The following FKBP8 variants were observed in gnomAD, a reference collection of about 807,000 sequenced individuals.
The protein encoded by FKBP8 is FKBP prolyl isomerase 8.
A neutral mutation model predicts 41.7 loss-of-function variants in FKBP8; 5 were observed. The observed-to-expected ratio is 0.12, with a 90% CI of 0.06 to 0.25. The LOEUF (loss-of-function observed/expected upper bound fraction) is 0.25. Among genes scored for constraint, FKBP8 ranks in the 10% least tolerant of loss-of-function variants. FKBP8 has a pLI of 1.00. For synonymous variants in FKBP8, 279 were observed against 254.5 expected, an observed-to-expected ratio of 1.10 and a Z score of -0.92; for missense variants, 397 against 563.0, an observed-to-expected ratio of 0.71 and a Z score of 2.98.
rs1437082517 is a variant in FKBP8, at chr19:18,537,845, G to A, written c.773-72C>T. 28 of 1,481,810 alleles carry A rather than the reference G, an allele frequency of 1.9e-5. No individual in the cohort carries two copies. Among genetic ancestry groups the A allele is most frequent in the Admixed American group, 1.2e-4 (6 of 49,752 alleles). The allele number at this position is 1,481,810 out of a possible 1,614,324, so 91.8% of individuals were successfully genotyped here. ...GACACCCCGGCACCCACCCCTCTGC[G>A]GAGGCTGCCTCTCTGGCCTCAGTTT... On this transcript the variant is annotated intron_variant, in intron 5 of 8. Transcript: ENST00000608443. The surrounding 1 kb of genome is among the most constrained non-coding windows in gnomAD (Gnocchi z 4.4).
At chr19:18,539,746 C>G in intron 2 of FKBP8, 26 bp from the exon 3 acceptor site, 2 of 1,601,330 alleles carry the variant, frequency 1.2e-6, no homozygotes, top group Non-Finnish European at 1.7e-6. Flanking sequence ...GACATGCAGC[C>G]TGTCACCTGG....
rs894942595 is a variant in FKBP8, at chr19:18,537,343, GAAACAAAC to G, written c.945+250_945+257del. 1.3e-4 allele frequency among the ~76,000 whole-genome samples: 20 copies of G among 151,946 alleles called. No homozygotes were observed. The highest frequency in any genetic ancestry group is 6.6e-4 in the Admixed American group (10 of 15,246). ...GTGACAGAGTGAGACTCTGTCTCAA[GAAACAAAC>G]AAACAAACAAACAAAAAACACTGGG... On this transcript the variant is annotated intron_variant, in intron 6 of 8. Coordinates refer to ENST00000608443, the MANE Select transcript of FKBP8 (RefSeq NM_012181.5). This position sits in a 1 kb window ranked among gnomAD's most constrained non-coding sequence, Gnocchi z 4.4.
intron 6 of FKBP8, among the ~76,000 whole-genome samples, chr19:18,534,710 G>A (rs553891150): frequency 6.6e-6 from 1 of 151,136 alleles, no homozygotes; most frequent in South Asian, 2.1e-4. Flanking sequence ...GCCTCCCGAG[G>A]AGCTGGGACT....
intron 2 of FKBP8, 119 bp downstream of exon 2, chr19:18,541,560 G>T: frequency 7.1e-7 from 1 of 1,418,216 alleles, no homozygotes; most frequent in Non-Finnish European, 9.5e-7. Flanking sequence ...GTTGCCTCTG[G>T]CTGGTGATCA....
intron 4 of FKBP8, 51 bp downstream of exon 4, chr19:18,539,320 A>G: frequency 6.7e-7 from 1 of 1,502,236 alleles, no homozygotes; most frequent in Non-Finnish European, 9.1e-7. Context: ...CACCCACTCC[A>G]CCCATCCCCC....
At chr19:18,532,944 G>T in intron 7 of FKBP8, 149 bp from the exon 8 acceptor site, 1 of 1,310,094 alleles carries the variant, frequency 7.6e-7, no homozygotes, top group Non-Finnish European at 1.0e-6. Context: ...GCAAAGTCAG[G>T]GCTGCTGACC....
chr19:18,538,190 G>T lies in FKBP8; in HGVS notation c.772+26C>A. On this transcript the variant is annotated intron_variant, in intron 5 of 8. Transcript: ENST00000608443. The surrounding 1 kb of genome is among the most constrained non-coding windows in gnomAD (Gnocchi z 4.0). Reference sequence around the variant, plus strand: ...GAGTGGACACCTTTGCAGGGGAGATGGTGGAGATCTGACCCAGGCGGTCAC... The same window carrying T: ...GAGTGGACACCTTTGCAGGGGAGATTGTGGAGATCTGACCCAGGCGGTCAC... 2 of 1,581,020 alleles carry T rather than the reference G, an allele frequency of 1.3e-6. No homozygotes were observed. The highest frequency in any genetic ancestry group is 1.7e-6 in the Non-Finnish European group (2 of 1,158,174).
At chr19:18,540,504 C>G (rs1270636201) in intron 2 of FKBP8, among the ~76,000 whole-genome samples, 1 of 151,954 alleles carries the variant, frequency 6.6e-6, no homozygotes, top group Non-Finnish European at 1.5e-5. Context: ...AAGGCTGAGG[C>G]AGGAGGATCA....
chr19:18,534,046 C>G (rs1976513842), intron 6 of FKBP8, among the ~76,000 whole-genome samples: 1 of 150,038 alleles, frequency 6.7e-6, no homozygotes, highest in Non-Finnish European at 1.5e-5. Context: ...TGGCTCACAC[C>G]TGTAATCCCA....
intron 1 of FKBP8, chr19:18,542,873 C>T (rs758415852): frequency 8.4e-5 from 108 of 1,281,510 alleles, no homozygotes; most frequent in Non-Finnish European, 1.0e-4. Flanking sequence ...GCCGCATCCC[C>T]TCCCTAACCC....
In FKBP8 at chr19:18,539,532, G is replaced by A. The variant is rs747529597; in HGVS notation, c.462+19C>T. 9 of 1,612,318 alleles carry A rather than the reference G, an allele frequency of 5.6e-6. No homozygotes were observed. The highest frequency in any genetic ancestry group is 7.6e-6 in the Non-Finnish European group (9 of 1,179,694). On this transcript the variant is annotated intron_variant, in intron 3 of 8. Transcript: ENST00000608443. ...AAGGCACGCCCCTCGCCCCTGCCCT[G>A]TCCCGCCCCAGCCCGCACCTGGATG...
At position 18,538,549 on chromosome 19, in the gene FKBP8, G is replaced by T; in HGVS notation, c.552-113C>A. The T allele has an allele frequency of 2.4e-6, 2 of 829,182 alleles. No individual in the cohort carries two copies. The highest frequency in any genetic ancestry group is 3.7e-6 in the Non-Finnish European group (2 of 541,128). The allele number at this position is 829,182 out of a possible 1,614,324, so 51.4% of individuals were successfully genotyped here. A position where few individuals can be genotyped will look rare whatever the true frequency, so the allele number is the denominator to read the frequency against. ...CAAGCCCCCGATCTGTCTCCCCTCT[G>T]CCCTCCATCATTCCCTCCTCAGTAA... On this transcript the variant is annotated intron_variant, in intron 4 of 8. Coordinates refer to ENST00000608443, the MANE Select transcript of FKBP8 (RefSeq NM_012181.5). This position sits in a 1 kb window ranked among gnomAD's most constrained non-coding sequence, Gnocchi z 4.0.
chr19:18,540,536 C>A (rs370684405), intron 2 of FKBP8, among the ~76,000 whole-genome samples: 1 of 152,102 alleles, frequency 6.6e-6, no homozygotes, highest in Non-Finnish European at 1.5e-5. Context: ...GAGTTTGAGA[C>A]CAGCCTGGTC....
rs907796351 is a variant in FKBP8 at position 18,537,760 on chromosome 19, G to A, written c.786C>T (p.Phe262=). The A allele has an allele frequency of 9.9e-6, 16 of 1,611,602 alleles. No homozygotes were observed. Among genetic ancestry groups the A allele is most frequent in the South Asian group, 2.2e-5 (2 of 90,750 alleles). Reference sequence around the variant, plus strand: ...ACTGCAGGAGCTGTGCCTCCTCCTCGAACGTCATGTCCACTATTGGGAGAC... The same window carrying A: ...ACTGCAGGAGCTGTGCCTCCTCCTCAAACGTCATGTCCACTATTGGGAGAC... ...ITSSAKVDMT[F]EEEAQLLQLK... Residue 262 remains phenylalanine (F), a synonymous_variant, in exon 6 of 9, where the codon TTC becomes TTT. Transcript: ENST00000608443. The surrounding 1 kb of genome is among the most constrained non-coding windows in gnomAD (Gnocchi z 4.4).
chr19:18,532,812 A>C lies in FKBP8; in HGVS notation c.1024-17T>G, dbSNP rs1442276044. 2 of 1,612,696 alleles carry C rather than the reference A, an allele frequency of 1.2e-6. No individual in the cohort carries two copies. The highest frequency in any genetic ancestry group is 8.5e-7 in the Non-Finnish European group (1 of 1,179,734). On this transcript the variant is annotated splice_polypyrimidine_tract_variant and intron_variant, in intron 7 of 8. Coordinates refer to ENST00000608443, the MANE Select transcript of FKBP8 (RefSeq NM_012181.5). ...GTGGATCGTCTGCAGAAGGCAGGGG[A>C]AGCTGAGAACACGCAGCGGCCAACC... is the stretch of plus-strand genomic sequence containing the variant.
rs1372548008 is a variant in FKBP8 at position 18,533,356 on chromosome 19, G to A, written c.946-9C>T. The A allele has an allele frequency of 6.3e-7, 1 of 1,596,578 alleles. No individual in the cohort carries two copies. Among genetic ancestry groups the A allele is most frequent in the East Asian group, 2.2e-5 (1 of 44,484 alleles). ...CCCTGCTGGGCCAGCACCTGTAAGGGGAAGGGGGTGGCATCACTCTGGACC... is the reference window on the plus strand; with the variant it reads ...CCCTGCTGGGCCAGCACCTGTAAGGAGAAGGGGGTGGCATCACTCTGGACC... On this transcript the variant is annotated splice_polypyrimidine_tract_variant and intron_variant, in intron 6 of 8. Transcript: ENST00000608443.
chr19:18,539,993 G>GT (rs1292329542), intron 2 of FKBP8, among the ~76,000 whole-genome samples: 2 of 151,554 alleles, frequency 1.3e-5, no homozygotes, highest in Admixed American at 1.3e-4. Flanking sequence ...TGGTTTTTTT[G>GT]TTTTTTTGTT....
intron 6 of FKBP8, among the ~76,000 whole-genome samples, chr19:18,536,870 A>G (rs1976591301): frequency 1.3e-5 from 2 of 152,256 alleles, no homozygotes; most frequent in South Asian, 4.1e-4. Flanking sequence ...GAGCCTGGCT[A>G]GACAGCAGAA....
In FKBP8 at chr19:18,532,037, C is replaced by G; in HGVS notation, c.*132G>C. On this transcript the variant is annotated 3_prime_UTR_variant, in exon 9 of 9. Transcript: ENST00000608443. Reference sequence around the variant, plus strand: ...CCTCCTGCTGGCTGGGCTGCACGACCCCCAATCCTTGCTCCCCTAACCCGG... The same window carrying G: ...CCTCCTGCTGGCTGGGCTGCACGACGCCCAATCCTTGCTCCCCTAACCCGG... 1.3e-6 allele frequency: 1 copy of G among 788,710 alleles called. No individual in the cohort carries two copies. Among genetic ancestry groups the G allele is most frequent in the Non-Finnish European group, 2.1e-6 (1 of 472,716 alleles). 48.9% of individuals were successfully genotyped at this position (788,710 alleles called of 1,614,324 possible). A position where few individuals can be genotyped will look rare whatever the true frequency, so the allele number is the denominator to read the frequency against.
Sources: gnomAD v4.1 joint callset for allele counts (sites outside exome capture counted in the v4.1 genomes callset) on GRCh38, gnomAD v4.1.1 for gene constraint, Gnocchi (gnomAD v3.1) non-coding constraint, MANE v1.5 for transcripts, NCBI Gene and HGNC (gene_info 2026-07-23, HGNC 2026-07-21) for gene names.